The following MRPS28 variants were observed in gnomAD, a reference collection of about 807,000 sequenced individuals.
MRPS28 encodes mitochondrial ribosomal protein S28, also known as small ribosomal subunit protein bS1m.
In MRPS28, 7 loss-of-function variants were observed where a neutral mutation model predicts 10.8. That is an observed-to-expected ratio of 0.65 (90% CI 0.37 to 1.22). The LOEUF (loss-of-function observed/expected upper bound fraction) is 1.22, where lower values mean the gene tolerates loss of function less well. Among genes scored for constraint, MRPS28 ranks in the 50% most tolerant of loss-of-function variants. The probability of loss-of-function intolerance (pLI) is 0.02; values close to 1 mark genes in which losing one functional copy is unlikely to be tolerated. For synonymous variants in MRPS28, 121 were observed against 93.3 expected (o/e 1.30, Z -1.71); for missense variants, 265 against 232.9 (o/e 1.14, Z -0.90).
chr8:79,995,294 T>C (rs1808472227), intron 2 of MRPS28, among the ~76,000 whole-genome samples: 1 of 152,186 alleles, frequency 6.6e-6, no homozygotes, highest in Admixed American at 6.5e-5. Context: ...AGCTTATTTC[T>C]TGAGATTGAT....
At chr8:79,929,795 T>C (rs1336861538) in intron 2 of MRPS28, among the ~76,000 whole-genome samples, 14 of 152,096 alleles carry the variant, frequency 9.2e-5, no homozygotes, top group Non-Finnish European at 7.4e-5. Context: ...GTGGTAATGG[T>C]GGAGTTTGAA....
At chr8:80,002,855 C>T (rs1003257864) in intron 2 of MRPS28, 144 bp downstream of exon 2, 4 of 642,384 alleles carry the variant, frequency 6.2e-6, no homozygotes, top group African/African-American at 5.6e-5. Flanking sequence ...ATTTTTAAAG[C>T]ACTTCAGACT....
At chr8:79,955,059 G>A (rs1053539558) in intron 2 of MRPS28, among the ~76,000 whole-genome samples, 3 of 152,090 alleles carry the variant, frequency 2.0e-5, no homozygotes, top group African/African-American at 7.2e-5. Flanking sequence ...GAATATCTGT[G>A]AGGCACACCC....
At chr8:79,928,803 T>TC (rs1806374781) in intron 2 of MRPS28, among the ~76,000 whole-genome samples, 2 of 468 alleles carry the variant, frequency 4.3e-3, no homozygotes, top group African/African-American at 0.015. Flanking sequence ...TCCCAGCACT[T>TC]TGGAGCTGAG....
chr8:79,932,090 T>C (rs1197702384), intron 2 of MRPS28, among the ~76,000 whole-genome samples: 2 of 152,214 alleles, frequency 1.3e-5, no homozygotes, highest in African/African-American at 2.4e-5. Flanking sequence ...TTCATTCATT[T>C]ACTCAAAAAT....
chr8:79,928,439 G>GTATA lies in MRPS28; in HGVS notation c.396-9295_396-9292dup, dbSNP rs137936192. On this transcript the variant is annotated intron_variant, in intron 2 of 2. Transcript: ENST00000276585. ...TTGCCCTTTGCACCCCCAATTTGGA[G>GTATA]TATATATATATATATATTTTTTGAG... Among the ~76,000 whole-genome samples, 1,414 of 149,382 alleles carry GTATA rather than the reference G, an allele frequency of 9.5e-3. 23 individuals carry two copies. Among genetic ancestry groups the GTATA allele is most frequent in the African/African-American group, 0.033 (1,341 of 40,570 alleles).
At chr8:79,932,661 A>G (rs562131385) in intron 2 of MRPS28, among the ~76,000 whole-genome samples, 5 of 152,286 alleles carry the variant, frequency 3.3e-5, no homozygotes, top group African/African-American at 1.2e-4. Flanking sequence ...CTGTGTAAGA[A>G]TGAATTCTAA....
chr8:79,935,482 T>C (rs934108598), intron 2 of MRPS28, among the ~76,000 whole-genome samples: 17 of 152,230 alleles, frequency 1.1e-4, no homozygotes, highest in African/African-American at 4.1e-4. Flanking sequence ...AACAACTACA[T>C]CTGCCATCCA....
chr8:79,945,770 T>C (rs760023627), intron 2 of MRPS28, among the ~76,000 whole-genome samples: 1 of 152,182 alleles, frequency 6.6e-6, no homozygotes, highest in Non-Finnish European at 1.5e-5. Flanking sequence ...CAAAACTGTA[T>C]GAGAAAATGT....
chr8:79,989,983 A>C (rs1341993861), intron 2 of MRPS28, among the ~76,000 whole-genome samples: 1 of 151,920 alleles, frequency 6.6e-6, no homozygotes, highest in South Asian at 2.1e-4. Context: ...GTAAAACTCC[A>C]CCTCTACCAA....
chr8:79,954,350 C>A (rs574809823), intron 2 of MRPS28, among the ~76,000 whole-genome samples: 1 of 152,072 alleles, frequency 6.6e-6, no homozygotes, highest in Non-Finnish European at 1.5e-5. Flanking sequence ...TCTATATATG[C>A]ACACATACAC....
intron 1 of MRPS28, among the ~76,000 whole-genome samples, chr8:80,007,325 G>A (rs1285733119): frequency 6.6e-6 from 1 of 152,088 alleles, no homozygotes; most frequent in Admixed American, 6.5e-5. Flanking sequence ...ATACTGAATG[G>A]GCAAAAACTG....
intron 2 of MRPS28, among the ~76,000 whole-genome samples, chr8:79,952,257 T>C (rs1190460707): frequency 6.6e-6 from 1 of 152,206 alleles, no homozygotes; most frequent in African/African-American, 2.4e-5. Context: ...ATTTTGTTCA[T>C]ATCGATTGAG....
chr8:80,012,175 C>T (rs576013538), intron 1 of MRPS28, among the ~76,000 whole-genome samples: 48 of 152,076 alleles, frequency 3.2e-4, no homozygotes, highest in African/African-American at 1.1e-3. Flanking sequence ...GTGTTTTTGG[C>T]GAGTGAAATA....
intron 2 of MRPS28, among the ~76,000 whole-genome samples, chr8:79,922,067 A>C (rs1354032819): frequency 1.3e-5 from 2 of 152,184 alleles, no homozygotes; most frequent in Non-Finnish European, 2.9e-5. Flanking sequence ...GGTTCTGTTT[A>C]TATGCTGGAT....
intron 1 of MRPS28, among the ~76,000 whole-genome samples, chr8:80,020,871 G>A (rs888774737): frequency 6.6e-6 from 1 of 152,080 alleles, no homozygotes; most frequent in Admixed American, 6.5e-5. Flanking sequence ...TAACCCATAG[G>A]ACAGAAGAAG....
intron 2 of MRPS28, among the ~76,000 whole-genome samples, chr8:79,942,853 A>C (rs1171686185): frequency 6.6e-6 from 1 of 152,216 alleles, no homozygotes; most frequent in Non-Finnish European, 1.5e-5. Flanking sequence ...TCTACAGATA[A>C]AAGAAATTTT....
intron 1 of MRPS28, among the ~76,000 whole-genome samples, chr8:80,024,336 T>A (rs1386646977): frequency 6.6e-6 from 1 of 151,754 alleles, no homozygotes; most frequent in African/African-American, 2.4e-5. Flanking sequence ...AAAAGAAAAG[T>A]AGGTAAGTGA....
intron 1 of MRPS28, among the ~76,000 whole-genome samples, chr8:80,026,091 A>G (rs1809487442): frequency 6.6e-6 from 1 of 152,210 alleles, no homozygotes; most frequent in Non-Finnish European, 1.5e-5. Context: ...ACCAAATATT[A>G]CTTTTGTAAA....
Sources: allele counts gnomAD v4.1 joint callset (sites outside exome capture counted in the v4.1 genomes callset), GRCh38; gene constraint gnomAD v4.1.1; transcripts MANE v1.5; gene names NCBI Gene and HGNC (gene_info 2026-07-23, HGNC 2026-07-21).